The following TG variants were observed in gnomAD, a reference collection of about 807,000 sequenced individuals.
The protein encoded by TG is thyroglobulin.
In TG, 270 loss-of-function variants were observed where a neutral mutation model predicts 324.7. The ratio of observed to expected loss-of-function variants is 0.83; its 90% CI spans 0.75 to 0.92. The LOEUF (loss-of-function observed/expected upper bound fraction) is 0.92. TG is among the 40% of genes least tolerant of loss of function. The pLI is 0.00. For missense variants in TG, 3,591 were observed against 3,456.4 expected (o/e 1.04, Z -0.98); for synonymous variants, 1,401 against 1,327.0 (o/e 1.06, Z -1.21).
chr8:132,969,628 A>G (rs1829185409), intron 32 of TG, 59 bp downstream of exon 32: 4 of 1,264,706 alleles, frequency 3.2e-6, no homozygotes, highest in Non-Finnish European at 3.5e-6. Flanking sequence ...CTCAAAGAAG[A>G]TGACACAATC....
chr8:133,036,909 C>G (rs1451256589), intron 41 of TG: 2 of 152,428 alleles, frequency 1.3e-5, no homozygotes, highest in Admixed American at 1.3e-4. Flanking sequence ...AGGGGGTCAC[C>G]CTGCCTTATG....
chr8:132,921,005 C>G (rs1331211466), intron 21 of TG, among the ~76,000 whole-genome samples: 2 of 152,214 alleles, frequency 1.3e-5, no homozygotes, highest in African/African-American at 2.4e-5. Flanking sequence ...GTTGAAGGCT[C>G]TCTTTCTGTT....
chr8:132,869,675 C>CAT, intron 2 of TG, 54 bp from the exon 3 acceptor site: 1 of 1,453,424 alleles, frequency 6.9e-7, no homozygotes. Flanking sequence ...TGGGAGCCGG[C>CAT]ATGTGGCTTT....
chr8:133,019,630 A>G lies in TG; in HGVS notation c.6811A>G (p.Thr2271Ala), dbSNP rs1835377034. The change falls in exon 39 of 48, where the codon ACA becomes GCA. Residue 2271 changes from threonine to alanine, a missense_variant. Coordinates refer to ENST00000220616, the MANE Select transcript of TG (RefSeq NM_003235.5). ...CAGCTGCTGGCAGCCAGGCACCAGA[A>G]CATCCACGTCTCCTGGAGTCAGTGA... is the stretch of plus-strand genomic sequence containing the variant. ...RASCWQPGTR[T>A]STSPGVSEDC... is the part of the protein sequence containing the mutation. 1 of 1,613,900 alleles carries G rather than the reference A, an allele frequency of 6.2e-7. No homozygotes were observed.
At chr8:132,907,908 T>A in intron 17 of TG, among the ~76,000 whole-genome samples, 1 of 152,134 alleles carries the variant, frequency 6.6e-6, no homozygotes, top group East Asian at 1.9e-4. Context: ...CAAGATGGCA[T>A]GGAAGATTTT....
chr8:133,047,852 G>C, intron 41 of TG: 1 of 1,605,694 alleles, frequency 6.2e-7, no homozygotes, highest in Non-Finnish European at 8.5e-7. Flanking sequence ...CACTCTCTCT[G>C]ATCATGAAGG....
chr8:132,986,369 A>G (rs373939857), intron 35 of TG, among the ~76,000 whole-genome samples: 1 of 99,632 alleles, frequency 1.0e-5, no homozygotes, highest in East Asian at 2.0e-4. Context: ...GTGTATATAT[A>G]GTATATATAT....
intron 39 of TG, among the ~76,000 whole-genome samples, chr8:133,020,044 A>T (rs1480625176): frequency 6.6e-6 from 1 of 152,230 alleles, no homozygotes; most frequent in Non-Finnish European, 1.5e-5. Context: ...TAAATCGATT[A>T]GTCAATCAAT....
intron 36 of TG, 72 bp downstream of exon 36, chr8:133,012,107 T>C: frequency 9.4e-6 from 15 of 1,599,682 alleles, no homozygotes; most frequent in Non-Finnish European, 1.2e-5. Context: ...GATTCTCAAC[T>C]TAGAAAAACA....
Position 132,956,678 on chromosome 8 carries a change from G to A in TG, c.5402-4330G>A, listed in dbSNP as rs143159734. On this transcript the variant is annotated intron_variant, in intron 27 of 47. Coordinates refer to ENST00000220616, the MANE Select transcript of TG (RefSeq NM_003235.5). Reference sequence around the variant, plus strand: ...GCATGAGGCTGCTCAGCTGTCATGAGCCAGATTGCAAGGAACTGAATTCTG... The same window carrying A: ...GCATGAGGCTGCTCAGCTGTCATGAACCAGATTGCAAGGAACTGAATTCTG... Among the ~76,000 whole-genome samples, 11 of 152,330 alleles carry A rather than the reference G, an allele frequency of 7.2e-5. No individual in the cohort carries two copies. The East Asian group carries it at 2.1e-3, about 29-fold the overall frequency.
intron 45 of TG, among the ~76,000 whole-genome samples, chr8:133,128,337 G>GCA (rs59451880): frequency 0.12 from 15,826 of 133,496 alleles, 978 homozygotes; most frequent in East Asian, 0.17. Flanking sequence ...CAAAAGGCGT[G>GCA]CACACACACA....
intron 46 of TG, among the ~76,000 whole-genome samples, chr8:133,132,378 G>C (rs1235223820): frequency 6.6e-6 from 1 of 152,240 alleles, no homozygotes; most frequent in Non-Finnish European, 1.5e-5. Flanking sequence ...ACTTGGAGGA[G>C]AGCCACTGTC....
chr8:133,112,768 C>T (rs1850366850), intron 43 of TG, among the ~76,000 whole-genome samples: 1 of 152,088 alleles, frequency 6.6e-6, no homozygotes, highest in East Asian at 1.9e-4. Context: ...TCGTATATGG[C>T]CTTATATTTC....
intron 34 of TG, among the ~76,000 whole-genome samples, chr8:132,980,398 GT>G (rs1445490451): frequency 1.3e-5 from 2 of 152,134 alleles, no homozygotes; most frequent in African/African-American, 4.8e-5. Context: ...GAGCTTCTGA[GT>G]TGGTGAACAC....
intron 26 of TG, among the ~76,000 whole-genome samples, chr8:132,946,067 CACACA>C (rs375716611): frequency 0.33 from 44,528 of 136,748 alleles, 7,928 homozygotes; most frequent in Middle Eastern, 0.46. Flanking sequence ...CACACACACA[CACACA>C]CCCTATATTT....
At chr8:132,939,392 C>T (rs78261476) in intron 25 of TG, among the ~76,000 whole-genome samples, 3,734 of 152,062 alleles carry the variant, frequency 0.025, 151 homozygotes, top group African/African-American at 0.086. Context: ...GGGAGAGGGA[C>T]GGTAGAGGGT....
chr8:132,947,240 C>A (rs1365587571), intron 26 of TG, among the ~76,000 whole-genome samples: 3 of 152,164 alleles, frequency 2.0e-5, no homozygotes, highest in Non-Finnish European at 4.4e-5. Context: ...TCTTTACAAA[C>A]ATGTATGTCC....
chr8:133,122,765 T>C (rs1032380823), intron 45 of TG, among the ~76,000 whole-genome samples: 9 of 152,164 alleles, frequency 5.9e-5, no homozygotes, highest in Non-Finnish European at 1.3e-4. Flanking sequence ...TGTGTATCTG[T>C]ATGTACAATA....
In TG at chr8:132,911,467, A is replaced by T. The variant is rs142264604; in HGVS notation, c.4093A>T (p.Asn1365Tyr). 69 of 1,614,058 alleles carry T rather than the reference A, an allele frequency of 4.3e-5. No individual in the cohort carries two copies. The Middle Eastern group carries it at 4.9e-4, about 12-fold the overall frequency. The change falls in exon 19 of 48, where the codon AAT (asparagine) becomes TAT (tyrosine). Residue 1365 changes from asparagine to tyrosine, a missense_variant. Physicochemically the swap from Asn to Tyr is moderately radical, Grantham distance 143 (BLOSUM62 -2). Transcript: ENST00000220616. Reference sequence around the variant, plus strand: ...TCTGACCAGGGAGCGTTTAGGAGTGAATGTTACATGGAAATCACGGCTTGA... The same window carrying T: ...TCTGACCAGGGAGCGTTTAGGAGTGTATGTTACATGGAAATCACGGCTTGA... ...GCLTRERLGV[N>Y]VTWKSRLEDI...
Sources: gnomAD v4.1 joint callset for allele counts (sites outside exome capture counted in the v4.1 genomes callset) on GRCh38, gnomAD v4.1.1 for gene constraint, MANE v1.5 for transcripts, NCBI Gene and HGNC (gene_info 2026-07-23, HGNC 2026-07-21) for gene names.